FOXP2: variants seen among roughly 807,000 people sequenced by gnomAD.
The protein encoded by FOXP2 is forkhead box protein P2.
In FOXP2, 12 loss-of-function variants were observed where a neutral mutation model predicts 115.8. The ratio of observed to expected loss-of-function variants is 0.10; its 90% CI spans 0.07 to 0.17. FOXP2 has a LOEUF of 0.17. FOXP2 is among the 10% of genes least tolerant of loss of function. FOXP2 has a pLI of 1.00. For synonymous variants in FOXP2, 328 were observed against 297.7 expected (o/e 1.10, Z -1.05); for missense variants, 629 against 843.5 (o/e 0.75, Z 3.15).
rs1382339025 is a variant in FOXP2, at chr7:114,271,956, T to C, written c.-101-16063T>C. 3.8e-5 allele frequency among the ~76,000 whole-genome samples: 5 copies of C among 132,838 alleles called. No individual in the cohort carries two copies. In the South Asian group the frequency reaches 1.1e-3, roughly 29 times the overall value. The allele number at this position is 132,838 out of a possible 152,430, so 87.1% of individuals were successfully genotyped here. On this transcript the variant is annotated intron_variant, in intron 1 of 17. Coordinates refer to the FOXP2 transcript ENST00000634411. ...AATATTAATATATTGTATTTATTAT[T>C]ATATTAATTATATATAATATAATTA...
At chr7:114,350,453 A>G (rs1194234824) in intron 2 of FOXP2, among the ~76,000 whole-genome samples, 1 of 152,044 alleles carries the variant, frequency 6.6e-6, no homozygotes, top group Non-Finnish European at 1.5e-5. Flanking sequence ...GCTATTTTTA[A>G]TACTTTTATT....
At chr7:114,408,109 A>C (rs1288146461) in intron 2 of FOXP2, among the ~76,000 whole-genome samples, 2 of 152,160 alleles carry the variant, frequency 1.3e-5, no homozygotes, top group Non-Finnish European at 2.9e-5. Context: ...TATTTTGAAT[A>C]CTTGTTTCAT....
chr7:114,499,069 T>C (rs1323260437), intron 2 of FOXP2: 6 of 582,472 alleles, frequency 1.0e-5, no homozygotes, highest in African/African-American at 1.9e-5. Context: ...AACCCTGGGG[T>C]TGGAGCTCAG....
intron 1 of FOXP2, among the ~76,000 whole-genome samples, chr7:114,132,588 A>T (rs1221023469): frequency 6.9e-6 from 1 of 144,150 alleles, no homozygotes; most frequent in African/African-American, 2.6e-5. Context: ...TGTGTGAGAG[A>T]GAGAGAGAGA....
At chr7:114,328,782 C>T (rs970931813) in intron 2 of FOXP2, among the ~76,000 whole-genome samples, 8 of 152,122 alleles carry the variant, frequency 5.3e-5, no homozygotes, top group African/African-American at 1.2e-4. Flanking sequence ...TAGGCCACTG[C>T]CCATTAAAGT....
At chr7:114,148,075 T>C (rs1792424643) in intron 1 of FOXP2, among the ~76,000 whole-genome samples, 1 of 152,210 alleles carries the variant, frequency 6.6e-6, no homozygotes, top group African/African-American at 2.4e-5. Flanking sequence ...GCCTGGGCAT[T>C]AACCACACAT....
At position 114,131,177 on chromosome 7, in the gene FOXP2, G is replaced by A. The variant is rs371579964; in HGVS notation, c.-246-31767G>A. 1.3e-4 allele frequency among the ~76,000 whole-genome samples: 20 copies of A among 152,276 alleles called. No individual in the cohort carries two copies. In the East Asian group the frequency reaches 1.4e-3, roughly 10 times the overall value. ...CATATGCTGTTAACTGTCAGGCTGA[G>A]GTAGAGTGACTGCTTTTGATAAAAG... On this transcript the variant is annotated intron_variant, in intron 1 of 19. Transcript: ENST00000635638.
chr7:114,212,249 C>T (rs558425471), intron 1 of FOXP2, among the ~76,000 whole-genome samples: 6 of 151,718 alleles, frequency 4.0e-5, no homozygotes, highest in East Asian at 1.9e-4. Flanking sequence ...TCTGCTTTCA[C>T]GTCTGCTGTG....
At chr7:114,660,305 G>A (rs573233623) in intron 13 of FOXP2, among the ~76,000 whole-genome samples, 1 of 152,240 alleles carries the variant, frequency 6.6e-6, no homozygotes, top group Admixed American at 6.5e-5. Context: ...TTGGAAAAGA[G>A]CAACGTCTGG....
chr7:114,141,728 G>A (rs1234850674), intron 1 of FOXP2, among the ~76,000 whole-genome samples: 3 of 152,208 alleles, frequency 2.0e-5, no homozygotes, highest in Non-Finnish European at 4.4e-5. Context: ...CACCACAGCA[G>A]TAGTGGCTGC....
chr7:114,313,204 G>T (rs1562866442), intron 2 of FOXP2, among the ~76,000 whole-genome samples: 2 of 152,130 alleles, frequency 1.3e-5, no homozygotes, highest in Non-Finnish European at 2.9e-5. Flanking sequence ...CAAGCTAAAA[G>T]ACACCACTAT....
chr7:114,675,178 C>A (rs1396820521), intron 16 of FOXP2, among the ~76,000 whole-genome samples: 4 of 151,832 alleles, frequency 2.6e-5, no homozygotes, highest in Non-Finnish European at 5.9e-5. Context: ...CATCAAATTC[C>A]AAAAATAATT....
At chr7:114,331,428 T>G (rs1408972494) in intron 2 of FOXP2, among the ~76,000 whole-genome samples, 1 of 152,128 alleles carries the variant, frequency 6.6e-6, no homozygotes, top group Non-Finnish European at 1.5e-5. Flanking sequence ...ACATTAAGAT[T>G]ATGTTAGCAA....
intron 1 of FOXP2, among the ~76,000 whole-genome samples, chr7:114,254,666 A>C (rs1028293675): frequency 6.6e-6 from 1 of 152,128 alleles, no homozygotes; most frequent in Non-Finnish European, 1.5e-5. Context: ...GGACTTCCCT[A>C]CACTGGTTAT....
chr7:114,533,261 T>C lies in FOXP2; in HGVS notation c.169-1356T>C, dbSNP rs184895948. Among the ~76,000 whole-genome samples the C allele has an allele frequency of 3.3e-5, 5 of 152,072 alleles. No homozygotes were observed. In the East Asian group the frequency reaches 7.7e-4, roughly 24 times the overall value. On this transcript the variant is annotated intron_variant, in intron 2 of 16. Coordinates refer to ENST00000350908, the MANE Select transcript of FOXP2 (RefSeq NM_014491.4). ...TTCAGTTTGTTTACTTTGGTTTCTATGTCTGCCTGCCTTCTCAGAAAACTT... is the reference window on the plus strand; with the variant it reads ...TTCAGTTTGTTTACTTTGGTTTCTACGTCTGCCTGCCTTCTCAGAAAACTT...
intron 2 of FOXP2, among the ~76,000 whole-genome samples, chr7:114,330,433 G>C (rs866880193): frequency 6.7e-6 from 1 of 148,774 alleles, no homozygotes. Flanking sequence ...AGGAGTTCGA[G>C]AACAGCCTGG....
upstream of FOXP2, among the ~76,000 whole-genome samples, chr7:114,161,429 T>A (rs1029524049): frequency 3.3e-5 from 5 of 152,208 alleles, no homozygotes; most frequent in Non-Finnish European, 7.3e-5. Flanking sequence ...ATCAGATAGA[T>A]GATGGTTTAA....
intron 2 of FOXP2, among the ~76,000 whole-genome samples, chr7:114,443,020 A>G (rs561681355): frequency 6.6e-6 from 1 of 152,324 alleles, no homozygotes; most frequent in African/African-American, 2.4e-5. Flanking sequence ...AACTGCCTTT[A>G]TGGTAGTCCT....
At chr7:114,629,705 T>A in intron 4 of FOXP2, 100 bp from the exon 5 acceptor site, 1 of 1,601,414 alleles carries the variant, frequency 6.2e-7, no homozygotes, top group Non-Finnish European at 8.5e-7. Flanking sequence ...GGATGAATCT[T>A]AATGGATACT....
Sources: gnomAD v4.1 joint callset for allele counts (sites outside exome capture counted in the v4.1 genomes callset) on GRCh38, gnomAD v4.1.1 for gene constraint, MANE v1.5 for transcripts, NCBI Gene and HGNC (gene_info 2026-07-23, HGNC 2026-07-21) for gene names.